Variants in ZNF112 observed in about 807,000 individuals in gnomAD.
ZNF112 encodes the protein zinc finger protein 112.
Under a neutral mutation model 77.7 loss-of-function variants are expected in ZNF112, and 37 were observed. The ratio of observed to expected loss-of-function variants is 0.48; its 90% CI spans 0.37 to 0.63. The LOEUF is 0.63. ZNF112 is among the 20% of genes least tolerant of loss of function. The pLI, the probability that ZNF112 is intolerant of heterozygous loss-of-function variation, is 0.00. For missense variants in ZNF112, 950 were observed against 1,077.4 expected (o/e 0.88, Z 1.66); for synonymous variants, 333 against 363.6 (o/e 0.92, Z 0.96).
upstream of ZNF112, among the ~76,000 whole-genome samples, chr19:44,359,315 CTTTTTTTTTT>C (rs767955186): frequency 3.6e-5 from 2 of 54,834 alleles, no homozygotes; most frequent in African/African-American, 1.4e-4. Flanking sequence ...TATTAGAGTT[CTTTTTTTTTT>C]TTTTTTTTTT....
At chr19:44,360,849 A>T (rs1323574906), upstream of ZNF112, among the ~76,000 whole-genome samples, 1 of 152,238 alleles carries the variant, frequency 6.6e-6, no homozygotes, top group Non-Finnish European at 1.5e-5. Context: ...TGACACTTAA[A>T]TCTACTCAGT....
At chr19:44,357,315 C>A (rs1184619601), upstream of ZNF112, among the ~76,000 whole-genome samples, 2 of 148,806 alleles carry the variant, frequency 1.3e-5, no homozygotes, top group Non-Finnish European at 2.9e-5. Context: ...AACAGAGAAG[C>A]TTGCAATACA....
chr19:44,329,689 T>C lies in ZNF112; in HGVS notation c.468A>G (p.Ile156Met). The change falls in exon 4 of 4, where the codon ATA (isoleucine) becomes ATG (methionine). Residue 156 changes from isoleucine (I) to methionine (M), a missense_variant. Around this residue, in one of 3 missense-constraint regions of ZNF112, gnomAD observed 560 missense variants for 557.3 expected, o/e 1.00. Coordinates refer to ENST00000354340, the MANE Select transcript of ZNF112 (RefSeq NM_013380.4). ...TTTTTATATAATTGGAGCCATTCCC[T>C]ATATGAGTGAATATATAGTTCTTAT... Reference protein sequence around the residue: ...SEDKNYIFTHIGNGSNYIKSQ... With the variant: ...SEDKNYIFTHMGNGSNYIKSQ... 6.2e-7 allele frequency: 1 copy of C among 1,614,140 alleles called. No homozygotes were observed. Among genetic ancestry groups the C allele is most frequent in the Non-Finnish European group, 8.5e-7 (1 of 1,180,014 alleles).
chr19:44,362,327 A>G (rs1970863041), intron 1 of ZNF112, among the ~76,000 whole-genome samples: 1 of 152,166 alleles, frequency 6.6e-6, no homozygotes, highest in Non-Finnish European at 1.5e-5. Flanking sequence ...ACTTGCAGAC[A>G]TTGAGAAATT....
In ZNF112 at chr19:44,329,471, T is replaced by A. The variant is rs1055000133; in HGVS notation, c.686A>T (p.Asp229Val). 8 of 1,614,132 alleles carry A rather than the reference T, an allele frequency of 5.0e-6. No homozygotes were observed. In the East Asian group the frequency reaches 1.6e-4, roughly 31 times the overall value. Residue 229 changes from aspartate (D) to valine (V), a missense_variant, in exon 4 of 4, where the codon GAC (aspartate) becomes GTC (valine). This residue lies in a region of ZNF112 where 560 missense variants were observed against 557.3 expected (regional missense o/e 1.00). Coordinates refer to ENST00000354340, the MANE Select transcript of ZNF112 (RefSeq NM_013380.4). ...VHRKENYSCHDCGEDIMKVSL... is the reference protein window; with the variant it reads ...VHRKENYSCHVCGEDIMKVSL... ...TACCTTCATGATATCTTCTCCACAG[T>A]CATGGCAGCTGTAGTTTTCTTTTCT... is the stretch of plus-strand genomic sequence containing the variant.
intron 1 of ZNF112, among the ~76,000 whole-genome samples, chr19:44,354,846 A>C (rs115605514): frequency 6.6e-6 from 1 of 152,342 alleles, no homozygotes; most frequent in African/African-American, 2.4e-5. Context: ...ATTCATCACC[A>C]TCCTTCTCCA....
rs952196694 is a variant in ZNF112, at chr19:44,363,129, A to C, written c.17+3952T>G. Among the ~76,000 whole-genome samples, 52 of 145,562 alleles carry C rather than the reference A, an allele frequency of 3.6e-4. 2 individuals are homozygous for C. Among genetic ancestry groups the C allele is most frequent in the Non-Finnish European group, 1.0e-4 (7 of 67,398 alleles). On this transcript the variant is annotated intron_variant, in intron 1 of 4. Coordinates refer to the ZNF112 transcript ENST00000588057. ...GGACTATAGTTGTGCCCAATCACAC[A>C]TGGCTAATTTTTTTTTTTTTTTGCA...
chr19:44,366,831 T>C (rs560936389), intron 1 of ZNF112, among the ~76,000 whole-genome samples: 6 of 152,126 alleles, frequency 3.9e-5, no homozygotes, highest in Non-Finnish European at 8.8e-5. Flanking sequence ...GAACCACACT[T>C]ACCACCTTTT....
intron 1 of ZNF112, 107 bp downstream of exon 1, chr19:44,356,519 A>T (rs1247537596): frequency 6.6e-6 from 1 of 152,158 alleles, no homozygotes; most frequent in Non-Finnish European, 1.5e-5. Flanking sequence ...CCTTCGCCGC[A>T]AGTGGATTAT....
chr19:44,365,714 TTTG>T (rs1227269057), intron 1 of ZNF112, among the ~76,000 whole-genome samples: 4 of 152,160 alleles, frequency 2.6e-5, no homozygotes, highest in Non-Finnish European at 5.9e-5. Flanking sequence ...CCTCCTGATT[TTTG>T]TTTTCTTCTT....
At chr19:44,341,049 A>G (rs557264188) in intron 1 of ZNF112, 30 of 439,628 alleles carry the variant, frequency 6.8e-5, no homozygotes, top group South Asian at 2.6e-4. Flanking sequence ...GCTCTGCCCA[A>G]TGCTAGCTCT....
intron 1 of ZNF112, among the ~76,000 whole-genome samples, chr19:44,344,134 T>C (rs1345441305): frequency 6.6e-6 from 1 of 152,178 alleles, no homozygotes; most frequent in Non-Finnish European, 1.5e-5. Context: ...ACATTTCTCA[T>C]GTTAAACAAA....
At chr19:44,341,538 C>A (rs1378300402) in intron 1 of ZNF112, among the ~76,000 whole-genome samples, 1 of 152,174 alleles carries the variant, frequency 6.6e-6, no homozygotes, top group East Asian at 1.9e-4. Context: ...TCATAGTCAA[C>A]ACTGGATATG....
chr19:44,360,535 G>A (rs898858805), upstream of ZNF112, among the ~76,000 whole-genome samples: 1 of 152,102 alleles, frequency 6.6e-6, no homozygotes, highest in African/African-American at 2.4e-5. Flanking sequence ...AAATAATGAT[G>A]TCCACCCCAA....
At chr19:44,359,315 C>CTTTTTTTTT (rs767955186), upstream of ZNF112, among the ~76,000 whole-genome samples, 38 of 54,858 alleles carry the variant, frequency 6.9e-4, 8 homozygotes, top group African/African-American at 2.0e-3. Flanking sequence ...TATTAGAGTT[C>CTTTTTTTTT]TTTTTTTTTT....
Position 44,333,960 on chromosome 19 carries a change from G to A in ZNF112, c.220+2663C>T, listed in dbSNP as rs548277051. Among the ~76,000 whole-genome samples the A allele has an allele frequency of 2.6e-5, 4 of 152,324 alleles. No homozygotes were observed. In the East Asian group the frequency reaches 5.8e-4, roughly 22 times the overall value. On this transcript the variant is annotated intron_variant, in intron 3 of 3. Coordinates refer to ENST00000354340, the MANE Select transcript of ZNF112 (RefSeq NM_013380.4). ...TGGAGGGTTCAGAAGAAGACAGGAAGATGAGGGAAAGTTTGGAATCTCCTA... is the reference window on the plus strand; with the variant it reads ...TGGAGGGTTCAGAAGAAGACAGGAAAATGAGGGAAAGTTTGGAATCTCCTA...
At chr19:44,343,195 T>G (rs1018004091) in intron 1 of ZNF112, 1 of 1,591,206 alleles carries the variant, frequency 6.3e-7, no homozygotes, top group African/African-American at 1.4e-5. Context: ...GAAAAAGATA[T>G]GTCCACTCAC....
chr19:44,337,824 T>C lies in ZNF112; in HGVS notation c.125-1106A>G, dbSNP rs565477393. Among the ~76,000 whole-genome samples, 3 of 119,294 alleles carry C rather than the reference T, an allele frequency of 2.5e-5. No individual in the cohort carries two copies. The South Asian group carries it at 8.8e-4, about 35-fold the overall frequency. 78.3% of individuals were successfully genotyped at this position (119,294 alleles called of 152,430 possible). A position where few individuals can be genotyped will look rare whatever the true frequency, so the allele number is the denominator to read the frequency against. On this transcript the variant is annotated intron_variant, in intron 2 of 3. Transcript: ENST00000354340. ...ATATTTCTATGTGTGTATATGTGTA[T>C]GTATATACATACACATACACACACA...
In ZNF112 at chr19:44,328,160, T is replaced by C. The variant is rs140465526; in HGVS notation, c.1997A>G (p.Lys666Arg). 4.3e-6 allele frequency: 7 copies of C among 1,614,034 alleles called. No individual in the cohort carries two copies. Among genetic ancestry groups the C allele is most frequent in the Non-Finnish European group, 5.9e-6 (7 of 1,179,980 alleles). ...EKPYKCEECG[K>R]GFSKASTLLA... is the part of the protein sequence containing the mutation. ...AAGTGTTGAGGCCTTACTGAAGCCT[T>C]TACCACATTCTTCACATTTATAGGG... The change falls in exon 4 of 4, where the codon AAA becomes AGA. Residue 666 changes from lysine to arginine, a missense_variant. Around this residue, in one of 3 missense-constraint regions of ZNF112, gnomAD observed 373 missense variants for 482.8 expected, o/e 0.77. Transcript: ENST00000354340.
Sources: gnomAD v4.1 joint callset for allele counts (sites outside exome capture counted in the v4.1 genomes callset) on GRCh38, gnomAD v4.1.1 for gene constraint, gnomAD v4.1.1 regional missense constraint, MANE v1.5 for transcripts, NCBI Gene and HGNC (gene_info 2026-07-23, HGNC 2026-07-21) for gene names.